The following SCAI variants were observed in gnomAD, a reference collection of about 807,000 sequenced individuals.
SCAI encodes suppressor of cancer cell invasion, also known as protein SCAI.
SCAI carries 24 observed loss-of-function variants against 92.2 expected under a neutral mutation model. The ratio of observed to expected loss-of-function variants is 0.26; its 90% CI spans 0.19 to 0.37. SCAI has a LOEUF of 0.37. Among genes scored for constraint, SCAI ranks in the 10% least tolerant of loss-of-function variants. The probability of loss-of-function intolerance (pLI) is 1.00; values close to 1 mark genes in which losing one functional copy is unlikely to be tolerated. For synonymous variants in SCAI, 261 were observed against 258.6 expected (o/e 1.01, Z -0.09); for missense variants, 450 against 736.2 (o/e 0.61, Z 4.50).
chr9:125,050,299 C>T (rs1386990793), intron 3 of SCAI, among the ~76,000 whole-genome samples: 1 of 152,024 alleles, frequency 6.6e-6, no homozygotes, highest in Admixed American at 6.6e-5. Context: ...AGGGGGATAG[C>T]AACCAAAAAA....
chr9:125,117,628 T>G, intron 2 of SCAI, among the ~76,000 whole-genome samples: 1 of 127,918 alleles, frequency 7.8e-6, no homozygotes, highest in East Asian at 2.6e-4. Context: ...ATCACACCAC[T>G]GCACTCCAGT....
In SCAI at chr9:124,956,218, CT is replaced by C. The variant is rs762445754; in HGVS notation, c.1675-3266del. On this transcript the variant is annotated intron_variant, in intron 17 of 17. Coordinates refer to ENST00000336505, the MANE Select transcript of SCAI (RefSeq NM_001144877.3). Reference sequence around the variant, plus strand: ...TAATAGCTATGCAAGGTTGATTTAACTTTTTTTTTTATTTTTTGAGATGGAG... The same window carrying C: ...TAATAGCTATGCAAGGTTGATTTAACTTTTTTTTTATTTTTTGAGATGGAG... 2.1e-4 allele frequency among the ~76,000 whole-genome samples: 31 copies of C among 150,000 alleles called. No individual in the cohort carries two copies. The East Asian group carries it at 3.1e-3, about 15-fold the overall frequency.
At chr9:125,075,772 C>T (rs1834077976) in intron 2 of SCAI, among the ~76,000 whole-genome samples, 1 of 152,174 alleles carries the variant, frequency 6.6e-6, no homozygotes, top group Non-Finnish European at 1.5e-5. Flanking sequence ...ACCATGTTGA[C>T]CAGGCTGGTA....
At chr9:125,117,872 T>C (rs1244792880) in intron 2 of SCAI, among the ~76,000 whole-genome samples, 1 of 152,112 alleles carries the variant, frequency 6.6e-6, no homozygotes, top group Non-Finnish European at 1.5e-5. Flanking sequence ...AACAAAACTG[T>C]TTTGTCTTGA....
intron 3 of SCAI, among the ~76,000 whole-genome samples, chr9:125,048,528 G>C (rs1477544615): frequency 6.6e-6 from 1 of 151,860 alleles, no homozygotes; most frequent in African/African-American, 2.4e-5. Flanking sequence ...TCTGAAGAAG[G>C]AGAAGGAGAA....
In SCAI at chr9:124,949,944, G is replaced by A. The variant is rs1037089588; in HGVS notation, c.*2863C>T. The A allele has an allele frequency of 2.0e-5, 3 of 152,120 alleles. No homozygotes were observed. The highest frequency in any genetic ancestry group is 7.2e-5 in the African/African-American group (3 of 41,426). The allele number at this position is 152,120 out of a possible 1,614,324, so 9.4% of individuals were successfully genotyped here. On this transcript the variant is annotated 3_prime_UTR_variant, in exon 18 of 18. Coordinates refer to ENST00000336505, the MANE Select transcript of SCAI (RefSeq NM_001144877.3). The surrounding 1 kb of genome is among the most constrained non-coding windows in gnomAD (Gnocchi z 4.0). ...TCTTTGAAGATTCAAGATCACTTCA[G>A]TCCACTTTAGATTTTTAACTACCAG...
intron 2 of SCAI, among the ~76,000 whole-genome samples, chr9:125,113,557 A>T (rs1225582727): frequency 3.3e-5 from 5 of 152,202 alleles, no homozygotes; most frequent in African/African-American, 7.2e-5. Context: ...TAAAAATTTT[A>T]AAAAGTAAAT....
chr9:124,964,452 A>G (rs1210749654), intron 17 of SCAI, among the ~76,000 whole-genome samples: 1 of 152,230 alleles, frequency 6.6e-6, no homozygotes, highest in Non-Finnish European at 1.5e-5. Context: ...GAATGATTCC[A>G]GGCTTGATGG....
intron 3 of SCAI, among the ~76,000 whole-genome samples, chr9:125,048,736 AT>A (rs1481816930): frequency 8.2e-5 from 12 of 146,564 alleles, no homozygotes; most frequent in South Asian, 6.5e-4. Context: ...TTATTTATTT[AT>A]TTAATTTTAT....
At chr9:125,138,578 C>T (rs1179559436) in intron 2 of SCAI, among the ~76,000 whole-genome samples, 1 of 152,078 alleles carries the variant, frequency 6.6e-6, no homozygotes, top group Non-Finnish European at 1.5e-5. Flanking sequence ...CCACGTCCAG[C>T]TGATTTTTTT....
intron 2 of SCAI, among the ~76,000 whole-genome samples, chr9:125,059,924 T>A (rs1460594054): frequency 6.6e-6 from 1 of 152,208 alleles, no homozygotes; most frequent in Non-Finnish European, 1.5e-5. Flanking sequence ...CCCTGGCCTA[T>A]TTTGTACACC....
At chr9:124,985,077 C>T (rs747310629) in intron 14 of SCAI, among the ~76,000 whole-genome samples, 1 of 152,106 alleles carries the variant, frequency 6.6e-6, no homozygotes, top group Non-Finnish European at 1.5e-5. Flanking sequence ...ATAGAAAACT[C>T]GCCCTGCATT....
intron 7 of SCAI, among the ~76,000 whole-genome samples, chr9:125,019,604 A>G (rs1001975889): frequency 2.0e-5 from 3 of 152,134 alleles, no homozygotes; most frequent in Non-Finnish European, 4.4e-5. Context: ...TTTCGAGAGC[A>G]GCCTAGGCAA....
chr9:125,116,774 T>G (rs547287730), intron 2 of SCAI, among the ~76,000 whole-genome samples: 3 of 152,234 alleles, frequency 2.0e-5, no homozygotes, highest in African/African-American at 7.2e-5. Flanking sequence ...TTTAAAAATA[T>G]CTGTTGAAAA....
chr9:124,949,328 G>A lies in SCAI; in HGVS notation c.*3479C>T, dbSNP rs189220962. The A allele has an allele frequency of 6.6e-6, 1 of 152,354 alleles. No homozygotes were observed. Among genetic ancestry groups the A allele is most frequent in the East Asian group, 1.9e-4 (1 of 5,190 alleles). 9.4% of individuals were successfully genotyped at this position (152,354 alleles called of 1,614,324 possible). ...AGATCCTGCCACCACACTGCAGCCTGAGTAACAAGAGTGAAACTCCGTCTC... is the reference window on the plus strand; with the variant it reads ...AGATCCTGCCACCACACTGCAGCCTAAGTAACAAGAGTGAAACTCCGTCTC... On this transcript the variant is annotated 3_prime_UTR_variant, in exon 18 of 18. Transcript: ENST00000336505. The surrounding 1 kb of genome is among the most constrained non-coding windows in gnomAD (Gnocchi z 4.0).
At chr9:125,102,950 A>T (rs746331005) in intron 2 of SCAI, among the ~76,000 whole-genome samples, 1 of 151,842 alleles carries the variant, frequency 6.6e-6, no homozygotes, top group Non-Finnish European at 1.5e-5. Context: ...TTCTCTATAC[A>T]GCTAAATTTT....
chr9:125,019,293 CAT>C, intron 7 of SCAI, 88 bp from the exon 8 acceptor site: 2 of 704,454 alleles, frequency 2.8e-6, no homozygotes, highest in East Asian at 5.5e-5. Flanking sequence ...CAGAAACCGA[CAT>C]ACTTACAAAA....
In SCAI at chr9:124,947,186, A is replaced by T. The variant is rs1588109235; in HGVS notation, c.*5621T>A. On this transcript the variant is annotated 3_prime_UTR_variant, in exon 18 of 18. Transcript: ENST00000336505. ...TATGTTTTTAAATGTGATTAAAGCA[A>T]TTTTTTTCCACAGCCTCTCTATTAA... 6.6e-6 allele frequency: 1 copy of T among 152,100 alleles called. No homozygotes were observed. Among genetic ancestry groups the T allele is most frequent in the Non-Finnish European group, 1.5e-5 (1 of 68,010 alleles). 9.4% of individuals were successfully genotyped at this position (152,100 alleles called of 1,614,324 possible). A position where few individuals can be genotyped will look rare whatever the true frequency, so the allele number is the denominator to read the frequency against.
chr9:125,063,350 C>T (rs1285780607), intron 2 of SCAI, among the ~76,000 whole-genome samples: 1 of 148,122 alleles, frequency 6.8e-6, no homozygotes, highest in South Asian at 2.1e-4. Context: ...GCACTCTAGC[C>T]TAGGTGACAG....
Sources: gnomAD v4.1 joint callset for allele counts (sites outside exome capture counted in the v4.1 genomes callset) on GRCh38, gnomAD v4.1.1 for gene constraint, Gnocchi (gnomAD v3.1) non-coding constraint, MANE v1.5 for transcripts, NCBI Gene and HGNC (gene_info 2026-07-23, HGNC 2026-07-21) for gene names.